Variants in DMD observed in about 807,000 individuals in gnomAD.
DMD encodes the protein mutant dystrophin.
Under a neutral mutation model 330.1 loss-of-function variants are expected in DMD, and 63 were observed. That is an observed-to-expected ratio of 0.19 (90% CI 0.16 to 0.24). DMD has a LOEUF of 0.24. Among genes scored for constraint, DMD ranks in the 10% least tolerant of loss-of-function variants. The probability of loss-of-function intolerance (pLI) is 1.00; values close to 1 mark genes in which losing one functional copy is unlikely to be tolerated. For synonymous variants in DMD, 1,223 were observed against 959.8 expected (o/e 1.27, Z -5.07); for missense variants, 3,344 against 2,684.1 (o/e 1.25, Z -5.43).
chrX:32,789,675 C>T (rs892892256), intron 7 of DMD, among the ~76,000 whole-genome samples: 2 of 111,784 alleles, frequency 1.8e-5, no homozygotes, highest in African/African-American at 3.3e-5. Context: ...CTCTCTAAGC[C>T]TCAGTTTTTC....
intron 44 of DMD, among the ~76,000 whole-genome samples, chrX:32,139,245 C>T (rs1461291572): frequency 8.9e-6 from 1 of 111,802 alleles, no homozygotes; most frequent in Non-Finnish European, 1.9e-5. Flanking sequence ...AAAACAAGCG[C>T]CCCTTAAGAC....
At chrX:31,424,257 T>G (rs1370884075) in intron 60 of DMD, among the ~76,000 whole-genome samples, 1 of 111,987 alleles carries the variant, frequency 8.9e-6, no homozygotes, top group Non-Finnish European at 1.9e-5. Flanking sequence ...CTTTGGAAAC[T>G]TCCGTTTTTT....
intron 7 of DMD, among the ~76,000 whole-genome samples, chrX:32,729,980 A>G (rs2067359910): frequency 8.9e-6 from 1 of 111,816 alleles, no homozygotes; most frequent in Non-Finnish European, 1.9e-5. Context: ...AAATATTTAT[A>G]GCTGAGTTAG....
At chrX:32,148,468 C>T (rs909091711) in intron 44 of DMD, among the ~76,000 whole-genome samples, 24 of 111,077 alleles carry the variant, frequency 2.2e-4, no homozygotes, top group Non-Finnish European at 2.3e-4. Context: ...CTCCAATAAG[C>T]TTCTGAGAAA....
chrX:32,107,270 G>T (rs1222925673), intron 44 of DMD, among the ~76,000 whole-genome samples: 1 of 109,421 alleles, frequency 9.1e-6, no homozygotes, highest in African/African-American at 3.3e-5. Flanking sequence ...GTAATAAGGA[G>T]TATATTAGGG....
chrX:32,767,918 C>G (rs1214428204), intron 7 of DMD, among the ~76,000 whole-genome samples: 2 of 111,200 alleles, frequency 1.8e-5, no homozygotes, highest in East Asian at 5.7e-4. Context: ...ATACACCATG[C>G]TAAAGAATCA....
chrX:31,468,075 G>A (rs1315028087), intron 59 of DMD, among the ~76,000 whole-genome samples: 3 of 110,945 alleles, frequency 2.7e-5, no homozygotes, highest in Non-Finnish European at 5.7e-5. Context: ...TATTAGTCTG[G>A]CTAGCAGTCT....
chrX:32,558,041 CAA>C (rs1298191190), intron 16 of DMD, among the ~76,000 whole-genome samples: 15 of 109,977 alleles, frequency 1.4e-4, no homozygotes, highest in Non-Finnish European at 7.6e-5. Flanking sequence ...AAATTATTGT[CAA>C]ATACTTAGAA....
intron 43 of DMD, among the ~76,000 whole-genome samples, chrX:32,277,455 G>T (rs1228988924): frequency 1.8e-5 from 2 of 111,517 alleles, no homozygotes; most frequent in Admixed American, 9.5e-5. Flanking sequence ...GACTTAATCT[G>T]CACTATAGAA....
At chrX:32,686,559 CAAAAAAAAAAA>C (rs750534167) in intron 9 of DMD, among the ~76,000 whole-genome samples, 5 of 28,585 alleles carry the variant, frequency 1.7e-4, no homozygotes, top group Admixed American at 1.1e-3. Context: ...AACTCCATCT[CAAAAAAAAAAA>C]AAAAAAAAAA....
At chrX:32,911,649 C>T (rs1231752336) in intron 2 of DMD, among the ~76,000 whole-genome samples, 1 of 111,328 alleles carries the variant, frequency 9.0e-6, no homozygotes, top group Non-Finnish European at 1.9e-5. Flanking sequence ...CAAAGTAAAT[C>T]CACAGCTAGA....
intron 13 of DMD, among the ~76,000 whole-genome samples, chrX:32,592,792 G>A (rs1012194753): frequency 5.3e-5 from 6 of 112,259 alleles, no homozygotes; most frequent in Non-Finnish European, 1.1e-4. Flanking sequence ...GTGGCATGCT[G>A]TAACATGCTC....
Position 32,891,072 on chromosome X carries a change from C to T in DMD, c.94-41252G>A, listed in dbSNP as rs73464891. ...TAGCTAAATAAAACATTAATGTCACCTGTTTATTTTCACTTTTTAAAGTGG... is the reference window on the plus strand; with the variant it reads ...TAGCTAAATAAAACATTAATGTCACTTGTTTATTTTCACTTTTTAAAGTGG... On this transcript the variant is annotated intron_variant, in intron 2 of 78. Transcript: ENST00000357033. Among the ~76,000 whole-genome samples, 1,111 of 112,118 alleles carry T rather than the reference C, an allele frequency of 9.9e-3. 11 individuals carry two copies. Among genetic ancestry groups the T allele is most frequent in the African/African-American group, 0.034 (1,052 of 30,867 alleles).
At chrX:31,877,902 G>A (rs1365168615) in intron 47 of DMD, among the ~76,000 whole-genome samples, 1 of 111,606 alleles carries the variant, frequency 9.0e-6, no homozygotes, top group African/African-American at 3.3e-5. Flanking sequence ...ACATCTAAAT[G>A]CCTCTAGACT....
intron 44 of DMD, among the ~76,000 whole-genome samples, chrX:31,974,570 T>C (rs753267541): frequency 9.1e-6 from 1 of 110,104 alleles, no homozygotes; most frequent in Non-Finnish European, 1.9e-5. Context: ...GCTGAAACCA[T>C]ACAAATGTGT....
At chrX:32,436,260 A>G (rs1188201469) in intron 29 of DMD, among the ~76,000 whole-genome samples, 2 of 111,656 alleles carry the variant, frequency 1.8e-5, no homozygotes, top group Non-Finnish European at 3.8e-5. Context: ...TTTATTTCCT[A>G]TTAAAAATTA....
intron 44 of DMD, among the ~76,000 whole-genome samples, chrX:31,987,743 A>G (rs2095519583): frequency 8.9e-6 from 1 of 112,076 alleles, no homozygotes; most frequent in South Asian, 3.7e-4. Flanking sequence ...GTTGGTGGGA[A>G]TGTAAATGAG....
intron 1 of DMD, among the ~76,000 whole-genome samples, chrX:33,023,492 G>T (rs182368814): frequency 2.7e-5 from 3 of 111,552 alleles, no homozygotes; most frequent in South Asian, 7.4e-4. Flanking sequence ...TAGGAGTTTC[G>T]TTGCTTTAGT....
intron 7 of DMD, among the ~76,000 whole-genome samples, chrX:32,803,353 T>C (rs1352305573): frequency 1.8e-5 from 2 of 111,390 alleles, no homozygotes; most frequent in East Asian, 2.8e-4. Flanking sequence ...TTGATTCTTC[T>C]CTCTTTTCTT....
Sources: gnomAD v4.1 joint callset for allele counts (sites outside exome capture counted in the v4.1 genomes callset) on GRCh38, gnomAD v4.1.1 for gene constraint, MANE v1.5 for transcripts, NCBI Gene and HGNC (gene_info 2026-07-23, HGNC 2026-07-21) for gene names.